MCU: variants seen among roughly 807,000 people sequenced by gnomAD.
The protein encoded by MCU is calcium uniporter protein, mitochondrial.
In MCU, 12 loss-of-function variants were observed where a neutral mutation model predicts 45.2. The observed-to-expected ratio is 0.27, with a 90% CI of 0.17 to 0.43. The LOEUF (loss-of-function observed/expected upper bound fraction) is 0.43, where lower values mean the gene tolerates loss of function less well. Among genes scored for constraint, MCU ranks in the 20% least tolerant of loss-of-function variants. MCU has a pLI of 1.00. For synonymous variants in MCU, 160 were observed against 165.1 expected, an observed-to-expected ratio of 0.97 and a Z score of 0.24; for missense variants, 324 against 436.7, an observed-to-expected ratio of 0.74 and a Z score of 2.30.
intron 1 of MCU, among the ~76,000 whole-genome samples, chr10:72,829,613 T>TAA (rs35278093): frequency 7.0e-6 from 1 of 142,938 alleles, no homozygotes; most frequent in East Asian, 2.1e-4. Flanking sequence ...AAGTAAAGGG[T>TAA]AAAAAAAAAA....
chr10:72,880,296 T>C (rs956732370), intron 6 of MCU, among the ~76,000 whole-genome samples: 1 of 152,052 alleles, frequency 6.6e-6, no homozygotes, highest in Non-Finnish European at 1.5e-5. Flanking sequence ...ACAGAAGAAA[T>C]GTACAGATAA....
chr10:72,807,451 A>G (rs1423357267), intron 1 of MCU, among the ~76,000 whole-genome samples: 2 of 151,862 alleles, frequency 1.3e-5, no homozygotes, highest in East Asian at 3.9e-4. Flanking sequence ...GACTAATGAA[A>G]TTTGCTTAAG....
chr10:72,816,783 A>G (rs749103077), intron 1 of MCU, among the ~76,000 whole-genome samples: 1 of 152,172 alleles, frequency 6.6e-6, no homozygotes, highest in Non-Finnish European at 1.5e-5. Context: ...AAACTAGTAC[A>G]TAATCTGGTG....
intron 1 of MCU, among the ~76,000 whole-genome samples, chr10:72,693,472 T>C (rs1241851129): frequency 6.6e-6 from 1 of 152,180 alleles, no homozygotes; most frequent in Non-Finnish European, 1.5e-5. Flanking sequence ...ACACATCGCC[T>C]GCCTTGTTCT....
At chr10:72,751,506 C>T (rs1843498479) in intron 1 of MCU, among the ~76,000 whole-genome samples, 1 of 150,854 alleles carries the variant, frequency 6.6e-6, no homozygotes, top group Admixed American at 6.6e-5. Flanking sequence ...AGGCATGCAC[C>T]ACAATGCCTG....
intron 1 of MCU, among the ~76,000 whole-genome samples, chr10:72,781,621 G>A (rs569084358): frequency 1.3e-5 from 2 of 152,314 alleles, no homozygotes; most frequent in African/African-American, 4.8e-5. Flanking sequence ...TTAAGCAGAT[G>A]TTTTGTTTTC....
At chr10:72,708,506 A>G (rs1842851331) in intron 1 of MCU, 1 of 152,258 alleles carries the variant, frequency 6.6e-6, no homozygotes, top group African/African-American at 2.4e-5. Context: ...TGCCTGCAGG[A>G]GTCAATAGGC....
At chr10:72,703,475 A>G (rs554699796) in intron 1 of MCU, among the ~76,000 whole-genome samples, 1 of 152,236 alleles carries the variant, frequency 6.6e-6, no homozygotes, top group African/African-American at 2.4e-5. Flanking sequence ...GGATCAGACT[A>G]TGAAGGGACT....
intron 1 of MCU, among the ~76,000 whole-genome samples, chr10:72,762,661 A>G (rs1178540418): frequency 1.3e-5 from 2 of 152,194 alleles, no homozygotes; most frequent in Non-Finnish European, 2.9e-5. Flanking sequence ...CTAAAATACT[A>G]TTGAGCACCT....
At chr10:72,870,541 C>T (rs1845526692) in intron 5 of MCU, among the ~76,000 whole-genome samples, 1 of 152,212 alleles carries the variant, frequency 6.6e-6, no homozygotes, top group Admixed American at 6.5e-5. Flanking sequence ...CTTGGCCTCC[C>T]AAAGTGCTGG....
At chr10:72,861,775 C>T in intron 4 of MCU, 2 of 297,462 alleles carry the variant, frequency 6.7e-6, no homozygotes, top group South Asian at 2.6e-5. Flanking sequence ...GAGATTATAG[C>T]CGTGAGTCAC....
intron 1 of MCU, among the ~76,000 whole-genome samples, chr10:72,762,361 C>A (rs536064499): frequency 1.3e-5 from 2 of 152,158 alleles, no homozygotes; most frequent in Admixed American, 6.5e-5. Context: ...CTCCCTAAAT[C>A]ATTCCTAATG....
intron 2 of MCU, among the ~76,000 whole-genome samples, chr10:72,855,498 C>T (rs1845275501): frequency 6.6e-6 from 1 of 152,100 alleles, no homozygotes; most frequent in Admixed American, 6.5e-5. Flanking sequence ...AGGAGGATCA[C>T]TTGAGCCCAG....
chr10:72,803,923 C>T (rs1349715035), intron 1 of MCU, among the ~76,000 whole-genome samples: 2 of 148,264 alleles, frequency 1.3e-5, no homozygotes, highest in Non-Finnish European at 3.0e-5. Context: ...TAAATTTACA[C>T]TTAGCTCATT....
intron 4 of MCU, chr10:72,861,789 A>C: frequency 3.4e-6 from 1 of 290,910 alleles, no homozygotes; most frequent in Non-Finnish European, 6.8e-6. Flanking sequence ...GAGTCACCGC[A>C]CCCAGCAAGA....
chr10:72,773,021 C>A (rs1843835597), intron 1 of MCU, among the ~76,000 whole-genome samples: 1 of 152,140 alleles, frequency 6.6e-6, no homozygotes. Flanking sequence ...ACCTCAGCTT[C>A]CTTAGTAGGC....
At position 72,804,069 on chromosome 10, in the gene MCU, TATATAA is replaced by T. The variant is rs1351774523; in HGVS notation, c.151-30288_151-30283del. Among the ~76,000 whole-genome samples, 58 of 62,438 alleles carry T rather than the reference TATATAA, an allele frequency of 9.3e-4. 6 individuals are homozygous for T. Among genetic ancestry groups the T allele is most frequent in the African/African-American group, 3.9e-3 (51 of 13,144 alleles). 41.0% of individuals were successfully genotyped at this position (62,438 alleles called of 152,430 possible). ...ATATATATATATATATATATATATATATATAAAATAAGAGTGCCAACAATTTACATT... is the reference window on the plus strand; with the variant it reads ...ATATATATATATATATATATATATATAATAAGAGTGCCAACAATTTACATT... On this transcript the variant is annotated intron_variant, in intron 1 of 7. Coordinates refer to ENST00000373053, the MANE Select transcript of MCU (RefSeq NM_138357.3).
intron 1 of MCU, among the ~76,000 whole-genome samples, chr10:72,775,047 G>T (rs972069021): frequency 6.6e-6 from 1 of 151,872 alleles, no homozygotes; most frequent in African/African-American, 2.4e-5. Flanking sequence ...AGATCTAATA[G>T]ACTTGATATT....
intron 6 of MCU, among the ~76,000 whole-genome samples, chr10:72,875,221 G>A (rs1305060133): frequency 1.3e-5 from 2 of 152,102 alleles, no homozygotes; most frequent in African/African-American, 4.8e-5. Flanking sequence ...TTTATGAGGA[G>A]TAACTTTTGA....
Sources: gnomAD v4.1 joint callset for allele counts (sites outside exome capture counted in the v4.1 genomes callset) on GRCh38, gnomAD v4.1.1 for gene constraint, MANE v1.5 for transcripts, NCBI Gene and HGNC (gene_info 2026-07-23, HGNC 2026-07-21) for gene names.